Variants in MAOB observed in about 807,000 individuals in gnomAD.
MAOB encodes the protein monoamine oxidase B.
A neutral mutation model predicts 41.9 loss-of-function variants in MAOB; 15 were observed. The ratio of observed to expected loss-of-function variants is 0.36; its 90% CI spans 0.24 to 0.55. The LOEUF (loss-of-function observed/expected upper bound fraction) is 0.55, where lower values mean the gene tolerates loss of function less well. MAOB is among the 20% of genes least tolerant of loss of function. The pLI, the probability that MAOB is intolerant of heterozygous loss-of-function variation, is 0.86. For missense variants in MAOB, 345 were observed against 398.7 expected, an observed-to-expected ratio of 0.87 and a Z score of 1.15; for synonymous variants, 167 against 144.2, an observed-to-expected ratio of 1.16 and a Z score of -1.13.
intron 1 of MAOB, among the ~76,000 whole-genome samples, chrX:43,879,904 C>T (rs1464492625): frequency 8.9e-6 from 1 of 112,150 alleles, no homozygotes; most frequent in African/African-American, 3.2e-5. Flanking sequence ...ACAAGCTGCT[C>T]TTTAGTTTAA....
chrX:43,832,408 A>G (rs2035028591), intron 3 of MAOB, among the ~76,000 whole-genome samples: 1 of 111,492 alleles, frequency 9.0e-6, no homozygotes, highest in Admixed American at 9.5e-5. Flanking sequence ...CACAGGTTTG[A>G]ACTGCATAGG....
In MAOB at chrX:43,882,396, G is replaced by GCCGGCCTGCTGCGCGCTGCCCC; in HGVS notation, c.-119_-98dup. On this transcript the variant is annotated 5_prime_UTR_variant, in exon 1 of 15. Coordinates refer to ENST00000378069, the MANE Select transcript of MAOB (RefSeq NM_000898.5). Reference sequence around the variant, plus strand: ...TGCCAGCCAGCCCGCCCGCCTGCCCGCCGGCCTGCTGCGCGCTGCCCCCGT... The same window carrying GCCGGCCTGCTGCGCGCTGCCCC: ...TGCCAGCCAGCCCGCCCGCCTGCCCGCCGGCCTGCTGCGCGCTGCCCCCCGGCCTGCTGCGCGCTGCCCCCGT... 9.0e-7 allele frequency: 1 copy of GCCGGCCTGCTGCGCGCTGCCCC among 1,111,039 alleles called. No homozygotes were observed. Among genetic ancestry groups the GCCGGCCTGCTGCGCGCTGCCCC allele is most frequent in the Non-Finnish European group, 1.2e-6 (1 of 848,268 alleles). The allele number at this position is 1,111,039 out of a possible 1,213,427, so 91.6% of individuals were successfully genotyped here.
Position 43,857,103 on chromosome X carries a change from A to G in MAOB, c.47-13339T>C, listed in dbSNP as rs1278564370. Among the ~76,000 whole-genome samples the G allele has an allele frequency of 4.1e-4, 10 of 24,548 alleles. 1 individual carries two copies. In the Admixed American group the frequency reaches 5.9e-3, roughly 14 times the overall value. 21.3% of individuals were successfully genotyped at this position (24,548 alleles called of 115,157 possible). On this transcript the variant is annotated intron_variant, in intron 1 of 14. Transcript: ENST00000378069. Reference sequence around the variant, plus strand: ...TCTTTAAATATATATATATATATATATATATATATATATAGAGAGAGAGAG... The same window carrying G: ...TCTTTAAATATATATATATATATATGTATATATATATATAGAGAGAGAGAG...
intron 3 of MAOB, among the ~76,000 whole-genome samples, chrX:43,809,797 A>C (rs915670575): frequency 3.6e-5 from 4 of 112,096 alleles, no homozygotes; most frequent in Non-Finnish European, 7.5e-5. Context: ...CCTAAGTTAA[A>C]AGGTCTAATT....
At chrX:43,815,034 G>T (rs2034791926) in intron 3 of MAOB, among the ~76,000 whole-genome samples, 1 of 111,324 alleles carries the variant, frequency 9.0e-6, no homozygotes, top group East Asian at 2.8e-4. Context: ...TGACCTCAAA[G>T]AATAAGGGTG....
intron 3 of MAOB, among the ~76,000 whole-genome samples, chrX:43,817,890 CATATATAT>C (rs756452901): frequency 8.0e-5 from 9 of 112,021 alleles, no homozygotes; most frequent in African/African-American, 2.6e-4. Context: ...TACATTTGTT[CATATATAT>C]ATACATATAT....
At chrX:43,823,165 CTTTTTTTTT>C (rs1181398583) in intron 3 of MAOB, among the ~76,000 whole-genome samples, 1 of 60,112 alleles carries the variant, frequency 1.7e-5, no homozygotes, top group African/African-American at 7.2e-5. Flanking sequence ...AACAGATGGT[CTTTTTTTTT>C]TTTTTTTTTT....
At chrX:43,804,364 C>T (rs2034635563) in intron 3 of MAOB, among the ~76,000 whole-genome samples, 1 of 111,001 alleles carries the variant, frequency 9.0e-6, no homozygotes, top group Admixed American at 9.7e-5. Flanking sequence ...CTCTCTCCAA[C>T]AAGGCCATAA....
At chrX:43,772,612 T>A (rs1003431154) in intron 12 of MAOB, among the ~76,000 whole-genome samples, 1 of 112,074 alleles carries the variant, frequency 8.9e-6, no homozygotes, top group Non-Finnish European at 1.9e-5. Flanking sequence ...TCCTCCCCCT[T>A]TGATCTGATT....
chrX:43,856,430 G>A (rs181584332), intron 1 of MAOB, among the ~76,000 whole-genome samples: 111 of 111,888 alleles, frequency 9.9e-4, no homozygotes, highest in Non-Finnish European at 1.6e-3. Flanking sequence ...AAATCCTAGT[G>A]TTTTAAAAAT....
Position 43,793,506 on chromosome X carries a change from T to C in MAOB, c.841A>G (p.Met281Val). Residue 281 changes from methionine to valine, a missense_variant, in exon 8 of 15, where the codon ATG (methionine) becomes GTG (valine). Physicochemically the swap from Met to Val is conservative, Grantham distance 21 (BLOSUM62 1). Transcript: ENST00000378069. ...ACACGAGTGATCATCTGGTTTCTCA[T>C]CATTGGCAGAGGGGGATTGAAGTGA... is the stretch of plus-strand genomic sequence containing the variant. ...KIHFNPPLPM[M>V]RNQMITRVPL... 8.3e-7 allele frequency: 1 copy of C among 1,200,329 alleles called. No individual in the cohort carries two copies. Among genetic ancestry groups the C allele is most frequent in the Non-Finnish European group, 1.1e-6 (1 of 885,594 alleles).
intron 1 of MAOB, among the ~76,000 whole-genome samples, chrX:43,873,838 G>A (rs973312149): frequency 4.5e-4 from 50 of 110,577 alleles, no homozygotes; most frequent in Admixed American, 4.3e-3. Context: ...CACCACGCCC[G>A]GCTAATTTTT....
intron 12 of MAOB, 140 bp from the exon 13 acceptor site, chrX:43,769,558 TGTG>T: frequency 1.0e-6 from 1 of 967,448 alleles, no homozygotes; most frequent in Non-Finnish European, 1.3e-6. Flanking sequence ...ATAATGTTTA[TGTG>T]GTTCCTCCAG....
At chrX:43,783,986 A>T (rs1323970025) in intron 8 of MAOB, among the ~76,000 whole-genome samples, 1 of 112,251 alleles carries the variant, frequency 8.9e-6, no homozygotes, top group Admixed American at 9.5e-5. Flanking sequence ...TTCCATCTCA[A>T]GAAATCACGT....
chrX:43,836,236 G>A (rs1032223162), intron 3 of MAOB, among the ~76,000 whole-genome samples: 1 of 111,930 alleles, frequency 8.9e-6, no homozygotes, highest in Non-Finnish European at 1.9e-5. Flanking sequence ...CGAAGTTCTT[G>A]TTAATAATTC....
chrX:43,826,662 G>A (rs924887275), intron 3 of MAOB, among the ~76,000 whole-genome samples: 1 of 111,770 alleles, frequency 8.9e-6, no homozygotes, highest in Admixed American at 9.5e-5. Context: ...GCATCATAAC[G>A]TGGTGGAAGG....
intron 11 of MAOB, among the ~76,000 whole-genome samples, chrX:43,776,656 A>T (rs995495186): frequency 1.8e-5 from 2 of 111,015 alleles, no homozygotes; most frequent in African/African-American, 6.6e-5. Flanking sequence ...CATGTGCACA[A>T]CGTGCAGGTT....
rs73472035 is a variant in MAOB, at chrX:43,768,145, G to A, written c.1410+509C>T. Among the ~76,000 whole-genome samples, 936 of 112,141 alleles carry A rather than the reference G, an allele frequency of 8.3e-3. 12 individuals are homozygous for A. The highest frequency in any genetic ancestry group is 0.029 in the African/African-American group (893 of 30,864). On this transcript the variant is annotated intron_variant, in intron 14 of 14. Transcript: ENST00000378069. ...GACCTTTGTGACTTTGTCCTCTAAA[G>A]TGCGTTTGCACTCTAACCTCTATGC...
chrX:43,845,850 T>C (rs2035196556), intron 1 of MAOB, among the ~76,000 whole-genome samples: 1 of 112,002 alleles, frequency 8.9e-6, no homozygotes, highest in Non-Finnish European at 1.9e-5. Flanking sequence ...AAAGGAGGAA[T>C]TCCCATTTTA....
Sources: allele counts gnomAD v4.1 joint callset (sites outside exome capture counted in the v4.1 genomes callset), GRCh38; gene constraint gnomAD v4.1.1; transcripts MANE v1.5; gene names NCBI Gene and HGNC (gene_info 2026-07-23, HGNC 2026-07-21).